The following LSAMP variants were observed in gnomAD, a reference collection of about 807,000 sequenced individuals.
The protein encoded by LSAMP is limbic system-associated membrane protein.
In LSAMP, 7 loss-of-function variants were observed where a neutral mutation model predicts 38.6. That is an observed-to-expected ratio of 0.18 (90% confidence interval 0.10 to 0.34). The LOEUF is 0.34. Ranked by LOEUF, LSAMP falls within the 10% of genes least tolerant of loss-of-function variation. LSAMP has a pLI of 1.00. For missense variants in LSAMP, 313 were observed against 420.0 expected, an observed-to-expected ratio of 0.75 and a Z score of 2.23; for synonymous variants, 154 against 166.8, an observed-to-expected ratio of 0.92 and a Z score of 0.59.
At chr3:116,283,197 A>G (rs1437949469) in intron 1 of LSAMP, among the ~76,000 whole-genome samples, 1 of 149,028 alleles carries the variant, frequency 6.7e-6, no homozygotes, top group Non-Finnish European at 1.5e-5. Context: ...AAAAAAAAGT[A>G]CCTAGAATTT....
In LSAMP at chr3:115,908,836, C is replaced by T. The variant is rs565819249; in HGVS notation, c.515-56219G>A. 3.9e-5 allele frequency among the ~76,000 whole-genome samples: 6 copies of T among 152,234 alleles called. No individual in the cohort carries two copies. In the East Asian group the frequency reaches 9.7e-4, roughly 25 times the overall value. On this transcript the variant is annotated intron_variant, in intron 3 of 6. Coordinates refer to ENST00000490035, the MANE Select transcript of LSAMP (RefSeq NM_002338.5). ...CCTCTCTTATTTGCAGCTTGCCTGT[C>T]GTCATCTCCAACCTGTCTAGATGTT...
chr3:115,987,132 G>C (rs1415124260), intron 3 of LSAMP, among the ~76,000 whole-genome samples: 1 of 152,018 alleles, frequency 6.6e-6, no homozygotes, highest in Non-Finnish European at 1.5e-5. Context: ...CGCTGACTGC[G>C]ACAGAAAAAA....
chr3:115,945,153 G>A (rs573370851), intron 3 of LSAMP, among the ~76,000 whole-genome samples: 1 of 151,794 alleles, frequency 6.6e-6, no homozygotes, highest in Admixed American at 6.6e-5. Flanking sequence ...ATAAACTTTC[G>A]AATTACGGCT....
chr3:115,829,393 A>G (rs945754953), intron 6 of LSAMP, among the ~76,000 whole-genome samples: 16 of 152,218 alleles, frequency 1.1e-4, no homozygotes, highest in African/African-American at 3.6e-4. Flanking sequence ...GGAATTAGGT[A>G]TGAAGGTCAA....
chr3:115,982,156 T>C (rs1358719102), intron 3 of LSAMP, among the ~76,000 whole-genome samples: 5 of 152,320 alleles, frequency 3.3e-5, no homozygotes, highest in African/African-American at 1.2e-4. Context: ...AAGGATAAAG[T>C]TGAGACAGCC....
rs140354826 is a variant in LSAMP at position 115,856,777 on chromosome 3, T to C, written c.515-4160A>G. ...CACCCTGATCTTGGACTTCCCAAGC[T>C]CCAAAACTGTAAGAAATACATTTCC... On this transcript the variant is annotated intron_variant, in intron 3 of 6. Coordinates refer to ENST00000490035, the MANE Select transcript of LSAMP (RefSeq NM_002338.5). 9.2e-5 allele frequency among the ~76,000 whole-genome samples: 14 copies of C among 152,278 alleles called. No homozygotes were observed. The East Asian group carries it at 2.5e-3, about 27-fold the overall frequency.
intron 3 of LSAMP, among the ~76,000 whole-genome samples, chr3:115,919,777 A>G (rs1937340198): frequency 6.6e-6 from 1 of 151,914 alleles, no homozygotes; most frequent in African/African-American, 2.4e-5. Flanking sequence ...ATGTCTGACT[A>G]ATTTTTGTAT....
In LSAMP at chr3:115,921,581, G is replaced by A. The variant is rs191862871; in HGVS notation, c.515-68964C>T. Among the ~76,000 whole-genome samples, 14 of 151,972 alleles carry A rather than the reference G, an allele frequency of 9.2e-5. No homozygotes were observed. In the East Asian group the frequency reaches 2.7e-3, roughly 29 times the overall value. ...TCTATCAGAATAAAAAGTGATTTAT[G>A]TACTGCCATTGCAGTATTACAGTAT... On this transcript the variant is annotated intron_variant, in intron 3 of 6. Transcript: ENST00000490035.
chr3:116,213,345 T>A (rs2107608789), intron 1 of LSAMP, among the ~76,000 whole-genome samples: 1 of 152,244 alleles, frequency 6.6e-6, no homozygotes, highest in Admixed American at 6.5e-5. Context: ...ATCTGATGGT[T>A]TTATAAAGAG....
chr3:116,338,981 C>T (rs2107750339), intron 1 of LSAMP, among the ~76,000 whole-genome samples: 1 of 152,124 alleles, frequency 6.6e-6, no homozygotes, highest in Non-Finnish European at 1.5e-5. Context: ...TCAGCGAAGA[C>T]TTTGTTAGAG....
At chr3:116,281,954 T>C (rs972804257) in intron 1 of LSAMP, among the ~76,000 whole-genome samples, 2 of 152,238 alleles carry the variant, frequency 1.3e-5, no homozygotes, top group African/African-American at 4.8e-5. Flanking sequence ...CTTCTGACAC[T>C]GTCAATAAGA....
chr3:116,272,472 T>G (rs1409323571), intron 1 of LSAMP, among the ~76,000 whole-genome samples: 1 of 152,172 alleles, frequency 6.6e-6, no homozygotes, highest in Admixed American at 6.5e-5. Context: ...AGTAGCAGTT[T>G]AATACAACTA....
intron 2 of LSAMP, among the ~76,000 whole-genome samples, chr3:116,069,202 T>G (rs961353661): frequency 6.6e-6 from 1 of 152,196 alleles, no homozygotes; most frequent in African/African-American, 2.4e-5. Context: ...GTTTTCTATC[T>G]GCCCCTTCTT....
chr3:116,337,294 A>T (rs1439671899), intron 1 of LSAMP, among the ~76,000 whole-genome samples: 1 of 152,014 alleles, frequency 6.6e-6, no homozygotes, highest in Non-Finnish European at 1.5e-5. Flanking sequence ...ACTAAACTAC[A>T]CATTTGAAAT....
chr3:115,965,761 G>C (rs1170147331), intron 3 of LSAMP, among the ~76,000 whole-genome samples: 3 of 151,674 alleles, frequency 2.0e-5, no homozygotes, highest in African/African-American at 4.8e-5. Context: ...ATTATGAAAA[G>C]ATGAAACTTT....
At chr3:116,049,828 G>A (rs558780442) in intron 2 of LSAMP, among the ~76,000 whole-genome samples, 3 of 152,188 alleles carry the variant, frequency 2.0e-5, no homozygotes, top group East Asian at 1.9e-4. Context: ...AAACAGACAC[G>A]CAAGATTGAG....
intron 6 of LSAMP, chr3:115,838,099 G>A (rs1398164138): frequency 1.3e-5 from 2 of 152,214 alleles, no homozygotes; most frequent in Non-Finnish European, 2.9e-5. Flanking sequence ...ATCAGCAGTG[G>A]AATCATGCCT....
chr3:116,408,721 C>A (rs1320587593), intron 1 of LSAMP, among the ~76,000 whole-genome samples: 2 of 152,052 alleles, frequency 1.3e-5, no homozygotes, highest in African/African-American at 4.8e-5. Context: ...GTCTATCTAA[C>A]TCCAAAGTCA....
intron 3 of LSAMP, among the ~76,000 whole-genome samples, chr3:115,992,576 A>G (rs1383420457): frequency 6.6e-6 from 1 of 152,082 alleles, no homozygotes; most frequent in Non-Finnish European, 1.5e-5. Context: ...ATAAGATGCA[A>G]ATAAACATAA....
Sources: allele counts gnomAD v4.1 joint callset (sites outside exome capture counted in the v4.1 genomes callset), GRCh38; gene constraint gnomAD v4.1.1; transcripts MANE v1.5; gene names NCBI Gene and HGNC (gene_info 2026-07-23, HGNC 2026-07-21).